CEPT1: variants seen among roughly 807,000 people sequenced by gnomAD.
CEPT1 encodes the protein choline/ethanolaminephosphotransferase 1.
A neutral mutation model predicts 42.6 loss-of-function variants in CEPT1; 7 were observed. The observed-to-expected ratio is 0.16, with a 90% CI of 0.09 to 0.31. The LOEUF is 0.31. Ranked by LOEUF, CEPT1 falls within the 10% of genes least tolerant of loss-of-function variation. The pLI, the probability that CEPT1 is intolerant of heterozygous loss-of-function variation, is 1.00. For synonymous variants in CEPT1, 171 were observed against 171.9 expected (o/e 0.99, Z 0.04); for missense variants, 306 against 502.1 (o/e 0.61, Z 3.73).
At chr1:111,163,168 C>A (rs1413324449) in intron 4 of CEPT1, among the ~76,000 whole-genome samples, 1 of 151,972 alleles carries the variant, frequency 6.6e-6, no homozygotes, top group African/African-American at 2.4e-5. Context: ...GGGGGAAACA[C>A]TAGATATATT....
At chr1:111,176,452 C>T (rs1015850668) in intron 5 of CEPT1, among the ~76,000 whole-genome samples, 1 of 151,938 alleles carries the variant, frequency 6.6e-6, no homozygotes, top group African/African-American at 2.4e-5. Context: ...CCTTGTATAC[C>T]AAAGTTTTCC....
chr1:111,159,583 T>C (rs1283733994), intron 3 of CEPT1, 56 bp downstream of exon 3: 2 of 1,393,296 alleles, frequency 1.4e-6, no homozygotes, highest in Non-Finnish European at 2.0e-6. Context: ...ACCAGTGTGC[T>C]AAGCAGTGTT....
intron 2 of CEPT1, among the ~76,000 whole-genome samples, chr1:111,150,751 A>G (rs372572627): frequency 2.0e-5 from 3 of 152,336 alleles, no homozygotes; most frequent in Non-Finnish European, 2.9e-5. Context: ...AGAAAAAGCA[A>G]TCCTCCTAGT....
intron 2 of CEPT1, among the ~76,000 whole-genome samples, chr1:111,159,125 C>T (rs927999608): frequency 6.0e-5 from 9 of 149,426 alleles, no homozygotes; most frequent in Admixed American, 4.0e-4. Flanking sequence ...GTTTTTTAGC[C>T]GGGATGGTCT....
rs190017288 is a variant in CEPT1 at position 111,157,347 on chromosome 1, G to A, written c.340-2033G>A. On this transcript the variant is annotated intron_variant, in intron 2 of 8. Transcript: ENST00000357172. ...TTGTCCCCTAAAGCAGAGGTATTCA[G>A]CAGAATTTTCTATGAAGATGGGCAT... 2.4e-3 allele frequency among the ~76,000 whole-genome samples: 364 copies of A among 152,274 alleles called. 1 individual carries two copies. Among genetic ancestry groups the A allele is most frequent in the African/African-American group, 8.2e-3 (340 of 41,546 alleles).
chr1:111,154,868 C>T (rs74842056), intron 2 of CEPT1, among the ~76,000 whole-genome samples: 3,546 of 152,114 alleles, frequency 0.023, 142 homozygotes, highest in African/African-American at 0.08. Flanking sequence ...CTTTTTAATG[C>T]GCCGTTGGAT....
At chr1:111,147,384 C>T (rs1476609940) in intron 1 of CEPT1, among the ~76,000 whole-genome samples, 1 of 152,110 alleles carries the variant, frequency 6.6e-6, no homozygotes, top group African/African-American at 2.4e-5. Flanking sequence ...ATATGAGCTT[C>T]AAAGTCAGAC....
intron 8 of CEPT1, among the ~76,000 whole-genome samples, chr1:111,183,791 C>G (rs973566373): frequency 1.1e-4 from 16 of 152,274 alleles, no homozygotes; most frequent in Non-Finnish European, 1.6e-4. Context: ...ACTAGTCCTG[C>G]CTACATCGGG....
At chr1:111,160,953 TAAAA>T (rs71096395) in intron 3 of CEPT1, 198 bp from the exon 4 acceptor site, 1,017 of 453,402 alleles carry the variant, frequency 2.2e-3, no homozygotes, top group East Asian at 3.3e-3. Flanking sequence ...AGTGATTTGG[TAAAA>T]AAAAAAAAAA....
At position 111,174,050 on chromosome 1, in the gene CEPT1, C is replaced by G. The variant is rs145650470; in HGVS notation, c.630-829C>G. Among the ~76,000 whole-genome samples the G allele has an allele frequency of 2.4e-3, 363 of 152,154 alleles. 1 individual carries two copies. Among genetic ancestry groups the G allele is most frequent in the African/African-American group, 8.2e-3 (339 of 41,504 alleles). Reference sequence around the variant, plus strand: ...CAAGTATATCTGTAGGGTAAGTTCTCAAAATAGAAGGCATTTGAATCCAGT... The same window carrying G: ...CAAGTATATCTGTAGGGTAAGTTCTGAAAATAGAAGGCATTTGAATCCAGT... On this transcript the variant is annotated intron_variant, in intron 4 of 8. Coordinates refer to ENST00000357172, the MANE Select transcript of CEPT1 (RefSeq NM_006090.5).
chr1:111,183,708 A>G, intron 8 of CEPT1, 121 bp downstream of exon 8: 1 of 1,025,172 alleles, frequency 9.8e-7, no homozygotes, highest in South Asian at 1.6e-5. Context: ...GAATGTCAGA[A>G]ATCCACATAA....
At chr1:111,161,034 T>G in intron 3 of CEPT1, 121 bp from the exon 4 acceptor site, 1 of 962,846 alleles carries the variant, frequency 1.0e-6, no homozygotes, top group Non-Finnish European at 1.6e-6. Context: ...TCTGTTACAA[T>G]AGATAACTGA....
chr1:111,172,156 T>C (rs1166800506), intron 4 of CEPT1, among the ~76,000 whole-genome samples: 1 of 152,238 alleles, frequency 6.6e-6, no homozygotes, highest in Non-Finnish European at 1.5e-5. Context: ...AGAAATCTAA[T>C]GCGACACATA....
At chr1:111,149,231 T>C (rs1416680386) in intron 2 of CEPT1, among the ~76,000 whole-genome samples, 1 of 151,044 alleles carries the variant, frequency 6.6e-6, no homozygotes, top group African/African-American at 2.4e-5. Flanking sequence ...ATACAGTCCA[T>C]ACAGATTTTA....
intron 1 of CEPT1, among the ~76,000 whole-genome samples, chr1:111,146,540 ACTGT>A (rs1238312791): frequency 2.6e-5 from 4 of 151,972 alleles, no homozygotes; most frequent in African/African-American, 7.3e-5. Context: ...TATAGATTTG[ACTGT>A]CTTTCATATT....
chr1:111,155,800 A>G (rs1309308379), intron 2 of CEPT1, among the ~76,000 whole-genome samples: 1 of 152,184 alleles, frequency 6.6e-6, no homozygotes, highest in African/African-American at 2.4e-5. Context: ...GGCCTCCCAA[A>G]GTACTGGGAT....
chr1:111,153,294 C>T (rs115404388), intron 2 of CEPT1, among the ~76,000 whole-genome samples: 97 of 152,238 alleles, frequency 6.4e-4, no homozygotes, highest in Admixed American at 2.0e-3. Context: ...CTGCAACCTC[C>T]GCCTCCCAGG....
rs1297213266 is a variant in CEPT1 at position 111,185,073 on chromosome 1, C to A, written c.*763C>A. On this transcript the variant is annotated 3_prime_UTR_variant, in exon 9 of 9. Transcript: ENST00000357172. The stretch of plus-strand genomic sequence containing the variant: ...AATTTAAGCAAAATTTATTTCTGTT[C>A]TTTAATAAATAAGAAAATGTGGTCC... 6.6e-6 allele frequency: 1 copy of A among 152,226 alleles called. No homozygotes were observed. The highest frequency in any genetic ancestry group is 1.5e-5 in the Non-Finnish European group (1 of 67,924). The allele number at this position is 152,226 out of a possible 1,614,324, so 9.4% of individuals were successfully genotyped here.
At chr1:111,166,012 CTATT>C (rs1443416551) in intron 4 of CEPT1, among the ~76,000 whole-genome samples, 1 of 152,174 alleles carries the variant, frequency 6.6e-6, no homozygotes, top group Non-Finnish European at 1.5e-5. Flanking sequence ...TGCGTAGAAT[CTATT>C]TATCTTTAAA....
Sources: allele counts gnomAD v4.1 joint callset (sites outside exome capture counted in the v4.1 genomes callset), GRCh38; gene constraint gnomAD v4.1.1; transcripts MANE v1.5; gene names NCBI Gene and HGNC (gene_info 2026-07-23, HGNC 2026-07-21).